SIPA1L1: variants seen among roughly 807,000 people sequenced by gnomAD.
SIPA1L1 encodes signal induced proliferation associated 1 like 1.
In SIPA1L1, 26 loss-of-function variants were observed where a neutral mutation model predicts 162.7. The observed-to-expected ratio is 0.16, with a 90% CI of 0.12 to 0.22. The LOEUF is 0.22. Among genes scored for constraint, SIPA1L1 ranks in the 10% least tolerant of loss-of-function variants. The pLI is 1.00. For missense variants in SIPA1L1, 1,874 were observed against 2,241.0 expected (o/e 0.84, Z 3.31); for synonymous variants, 829 against 837.4 (o/e 0.99, Z 0.17).
chr14:71,674,604 G>T (rs1288128409), intron 12 of SIPA1L1, among the ~76,000 whole-genome samples: 1 of 139,582 alleles, frequency 7.2e-6, no homozygotes, highest in Non-Finnish European at 1.5e-5. Context: ...TCGCTCTGTC[G>T]CCCAGGCTGG....
intron 9 of SIPA1L1, 79 bp downstream of exon 9, chr14:71,658,515 C>A (rs753902278): frequency 2.1e-6 from 2 of 930,346 alleles, no homozygotes; most frequent in South Asian, 1.3e-5. Flanking sequence ...TTTGTAAAAT[C>A]TTAAACCAGA....
At chr14:71,474,506 G>C (rs1389073267) in intron 2 of SIPA1L1, among the ~76,000 whole-genome samples, 1 of 152,154 alleles carries the variant, frequency 6.6e-6, no homozygotes, top group Non-Finnish European at 1.5e-5. Context: ...CCATGCCAGG[G>C]TGATAAAGAA....
Position 71,709,306 on chromosome 14 carries a change from G to A in SIPA1L1, c.3850G>A (p.Asp1284Asn), listed in dbSNP as rs201442262. The change falls in exon 17 of 24, where the codon GAT becomes AAT. Residue 1284 changes from aspartate (D) to asparagine (N), a missense_variant. Around this residue, in one of 5 missense-constraint regions of SIPA1L1, gnomAD observed 936 missense variants for 1,051.9 expected, o/e 0.89. Coordinates refer to ENST00000381232, the MANE Select transcript of SIPA1L1 (RefSeq NM_001386936.1). ...SSAHSDEKWY[D>N]GDRTESELNS... Reference sequence around the variant, plus strand: ...TGCCCATAGTGATGAGAAGTGGTACGATGGGGACCGCACAGAATCCGAACT... The same window carrying A: ...TGCCCATAGTGATGAGAAGTGGTACAATGGGGACCGCACAGAATCCGAACT... 5 of 1,614,196 alleles carry A rather than the reference G, an allele frequency of 3.1e-6. No individual in the cohort carries two copies. The highest frequency in any genetic ancestry group is 1.7e-5 in the Admixed American group (1 of 60,022).
chr14:71,482,616 C>G (rs2048436928), intron 2 of SIPA1L1, among the ~76,000 whole-genome samples: 1 of 152,150 alleles, frequency 6.6e-6, no homozygotes, highest in Admixed American at 6.5e-5. Context: ...CAAAGAAAGA[C>G]TTAGACAGGA....
chr14:71,517,386 G>T (rs556285792), intron 3 of SIPA1L1, among the ~76,000 whole-genome samples: 1 of 152,172 alleles, frequency 6.6e-6, no homozygotes, highest in South Asian at 2.1e-4. Context: ...TTTTTCACTT[G>T]ATGCATTTAA....
chr14:71,349,733 T>G (rs867724615), intron 2 of SIPA1L1, among the ~76,000 whole-genome samples: 4 of 152,236 alleles, frequency 2.6e-5, no homozygotes, highest in African/African-American at 2.4e-5. Context: ...CTGGTACTCC[T>G]GCTGCCGGAG....
chr14:71,360,827 A>T (rs924728210), intron 2 of SIPA1L1, among the ~76,000 whole-genome samples: 9 of 152,224 alleles, frequency 5.9e-5, no homozygotes, highest in Non-Finnish European at 1.2e-4. Context: ...TTCTAAAATT[A>T]CATTAGAGGA....
intron 2 of SIPA1L1, among the ~76,000 whole-genome samples, chr14:71,362,852 G>A (rs2037937285): frequency 1.3e-5 from 2 of 152,178 alleles, no homozygotes; most frequent in South Asian, 2.1e-4. Flanking sequence ...ACTTTTGCAG[G>A]AGTCTGGAGT....
intron 2 of SIPA1L1, among the ~76,000 whole-genome samples, chr14:71,358,901 T>G (rs2037534165): frequency 6.6e-6 from 1 of 152,128 alleles, no homozygotes; most frequent in Non-Finnish European, 1.5e-5. Flanking sequence ...ACCAAAGGGA[T>G]GGTGCTAAAT....
intron 4 of SIPA1L1, 105 bp from the exon 5 acceptor site, chr14:71,587,466 A>T (rs1669016413): frequency 2.5e-6 from 1 of 397,696 alleles, no homozygotes; most frequent in South Asian, 1.3e-4. Context: ...TGTGAATCCT[A>T]ATCCATTATT....
At chr14:71,322,927 GAAGT>G (rs557684205) in intron 2 of SIPA1L1, among the ~76,000 whole-genome samples, 1 of 152,232 alleles carries the variant, frequency 6.6e-6, no homozygotes, top group Non-Finnish European at 1.5e-5. Flanking sequence ...TTTAAAATCT[GAAGT>G]ATCAGTCAGT....
intron 2 of SIPA1L1, among the ~76,000 whole-genome samples, chr14:71,410,430 A>G (rs2042321586): frequency 6.6e-6 from 1 of 152,200 alleles, no homozygotes; most frequent in Non-Finnish European, 1.5e-5. Context: ...GCTCACATAC[A>G]TATTTGTGAA....
chr14:71,376,317 T>G (rs1311816226), intron 2 of SIPA1L1, among the ~76,000 whole-genome samples: 2 of 152,042 alleles, frequency 1.3e-5, no homozygotes, highest in African/African-American at 4.8e-5. Context: ...TTTGTTGGCA[T>G]AGTTAAACAT....
chr14:71,513,481 C>T (rs971634079), intron 3 of SIPA1L1, among the ~76,000 whole-genome samples: 2 of 151,800 alleles, frequency 1.3e-5, no homozygotes, highest in African/African-American at 4.8e-5. Flanking sequence ...TAGATATTGA[C>T]CGATTTTTGT....
At chr14:71,530,965 C>A (rs913890526) in intron 4 of SIPA1L1, among the ~76,000 whole-genome samples, 3 of 152,130 alleles carry the variant, frequency 2.0e-5, no homozygotes, top group Non-Finnish European at 4.4e-5. Context: ...TATTGGGTAT[C>A]CTAGTGATCT....
chr14:71,597,753 C>G (rs1032803850), intron 5 of SIPA1L1, among the ~76,000 whole-genome samples: 1 of 152,196 alleles, frequency 6.6e-6, no homozygotes, highest in Non-Finnish European at 1.5e-5. Context: ...TCTTGCCTAC[C>G]TGACAGGCTC....
intron 2 of SIPA1L1, among the ~76,000 whole-genome samples, chr14:71,395,180 A>C (rs997045593): frequency 6.6e-5 from 10 of 152,358 alleles, no homozygotes; most frequent in Non-Finnish European, 1.5e-4. Context: ...TGATGTAATA[A>C]CAGAGAAAAA....
intron 4 of SIPA1L1, among the ~76,000 whole-genome samples, chr14:71,583,376 A>G (rs1380252012): frequency 1.3e-5 from 2 of 152,210 alleles, no homozygotes; most frequent in Admixed American, 6.5e-5. Flanking sequence ...AGTTCCTTCT[A>G]CTGCCCTGAA....
Position 71,431,645 on chromosome 14 carries a change from G to A in SIPA1L1, c.-464-81098G>A, listed in dbSNP as rs540722817. Among the ~76,000 whole-genome samples, 3 of 152,188 alleles carry A rather than the reference G, an allele frequency of 2.0e-5. No individual in the cohort carries two copies. In the East Asian group the frequency reaches 5.8e-4, roughly 29 times the overall value. The stretch of plus-strand genomic sequence containing the variant: ...GGAGGTCAAGGCTGTAGTGAGCTGT[G>A]ATTGCACCACTGTACTCCAGCCTGG... On this transcript the variant is annotated intron_variant, in intron 2 of 23. Transcript: ENST00000381232.
Sources: allele counts gnomAD v4.1 joint callset (sites outside exome capture counted in the v4.1 genomes callset), GRCh38; gene constraint gnomAD v4.1.1; regional missense constraint gnomAD v4.1.1; transcripts MANE v1.5; gene names NCBI Gene and HGNC (gene_info 2026-07-23, HGNC 2026-07-21).